PFKFB4: variants seen among roughly 807,000 people sequenced by gnomAD.
PFKFB4 encodes 6-phosphofructo-2-kinase/fructose-2,6-bisphosphatase 4.
A neutral mutation model predicts 62.8 loss-of-function variants in PFKFB4; 42 were observed. The observed-to-expected ratio is 0.67, with a 90% CI of 0.52 to 0.86. PFKFB4 has a LOEUF of 0.86. PFKFB4 is among the 40% of genes least tolerant of loss of function. PFKFB4 has a pLI of 0.00. For missense variants in PFKFB4, 475 were observed against 627.2 expected (o/e 0.76, Z 2.59); for synonymous variants, 204 against 240.7 (o/e 0.85, Z 1.41).
chr3:48,527,675 G>A (rs903010902), intron 9 of PFKFB4, among the ~76,000 whole-genome samples: 1 of 148,924 alleles, frequency 6.7e-6, no homozygotes, highest in African/African-American at 2.5e-5. Context: ...CAGAGAAAGC[G>A]TCCATCATCT....
upstream of PFKFB4, chr3:48,562,446 G>A (rs193093225): frequency 1.0e-3 from 322 of 322,146 alleles, no homozygotes; most frequent in African/African-American, 6.1e-3. This position sits in a 1 kb window ranked among gnomAD's most constrained non-coding sequence, Gnocchi z 4.3. Context: ...AGCAAGACTC[G>A]CCACAGCAGT....
upstream of PFKFB4, chr3:48,559,431 A>G (rs1208612974): frequency 4.5e-6 from 2 of 447,150 alleles, no homozygotes; most frequent in East Asian, 1.4e-4. Context: ...ACAGTGCAGC[A>G]TGGACTCAGC....
rs983911798 is a variant in PFKFB4 at position 48,521,397 on chromosome 3, A to G, written c.1350+589T>C. Among the ~76,000 whole-genome samples, 1 of 152,138 alleles carries G rather than the reference A, an allele frequency of 6.6e-6. No individual in the cohort carries two copies. Among genetic ancestry groups the G allele is most frequent in the Non-Finnish European group, 1.5e-5 (1 of 68,012 alleles). ...ACTCTGAGGAGCTTCTACCTTCCACAAGGCACTTGGGGAGCACAGGTGGTG... is the reference window on the plus strand; with the variant it reads ...ACTCTGAGGAGCTTCTACCTTCCACGAGGCACTTGGGGAGCACAGGTGGTG... On this transcript the variant is annotated intron_variant, in intron 13 of 13. Transcript: ENST00000232375. This position sits in a 1 kb window ranked among gnomAD's most constrained non-coding sequence, Gnocchi z 5.3.
Position 48,556,556 on chromosome 3 carries a change from A to C in PFKFB4, c.97+125T>G. 1 of 1,174,430 alleles carries C rather than the reference A, an allele frequency of 8.5e-7. No individual in the cohort carries two copies. The highest frequency in any genetic ancestry group is 1.2e-6 in the Non-Finnish European group (1 of 850,302). The allele number at this position is 1,174,430 out of a possible 1,614,324, so 72.8% of individuals were successfully genotyped here. A position where few individuals can be genotyped will look rare whatever the true frequency, so the allele number is the denominator to read the frequency against. Reference sequence around the variant, plus strand: ...CCCCAGCAGCCTCCCCAGTCACGGCAACCTCACCTGTCCCCGGTTCCCCAT... The same window carrying C: ...CCCCAGCAGCCTCCCCAGTCACGGCCACCTCACCTGTCCCCGGTTCCCCAT... On this transcript the variant is annotated intron_variant, in intron 1 of 13. Coordinates refer to ENST00000232375, the MANE Select transcript of PFKFB4 (RefSeq NM_004567.4). The surrounding 1 kb of genome is among the most constrained non-coding windows in gnomAD (Gnocchi z 5.7).
intron 4 of PFKFB4, among the ~76,000 whole-genome samples, chr3:48,540,634 G>C (rs904907439): frequency 2.0e-5 from 3 of 152,086 alleles, no homozygotes; most frequent in Admixed American, 1.3e-4. Context: ...TTTTGAGACA[G>C]GGTCTCACTC....
chr3:48,519,822 A>G lies in PFKFB4; in HGVS notation c.1351-16T>C. On this transcript the variant is annotated splice_polypyrimidine_tract_variant and intron_variant, in intron 13 of 13. Coordinates refer to ENST00000232375, the MANE Select transcript of PFKFB4 (RefSeq NM_004567.4). ...TGTCCACGTTCTGTACAATAAAAAC[A>G]CAGAGCGTTCACTCCATGGCAGGAA... 1 of 1,610,520 alleles carries G rather than the reference A, an allele frequency of 6.2e-7. No homozygotes were observed. The highest frequency in any genetic ancestry group is 8.5e-7 in the Non-Finnish European group (1 of 1,176,818).
intron 9 of PFKFB4, among the ~76,000 whole-genome samples, chr3:48,533,822 C>T (rs1488739380): frequency 6.6e-6 from 1 of 152,142 alleles, no homozygotes; most frequent in South Asian, 2.1e-4. Flanking sequence ...CCATTGCACT[C>T]CAGCCTGGAC....
rs1237256032 is a variant in PFKFB4 at position 48,535,407 on chromosome 3, C to T, written c.987+105G>A. Reference sequence around the variant, plus strand: ...CCCTAGGTTCCTGTATCCTTTCTCTCTCCTCTCCTTTGCCCAAGGGGAGCA... The same window carrying T: ...CCCTAGGTTCCTGTATCCTTTCTCTTTCCTCTCCTTTGCCCAAGGGGAGCA... On this transcript the variant is annotated intron_variant, in intron 9 of 13. Coordinates refer to ENST00000232375, the MANE Select transcript of PFKFB4 (RefSeq NM_004567.4). 4 of 1,029,396 alleles carry T rather than the reference C, an allele frequency of 3.9e-6. No homozygotes were observed. The African/African-American group carries it at 4.8e-5, about 12-fold the overall frequency. 63.8% of individuals were successfully genotyped at this position (1,029,396 alleles called of 1,614,324 possible). A position where few individuals can be genotyped will look rare whatever the true frequency, so the allele number is the denominator to read the frequency against.
chr3:48,537,115 C>T (rs2042646235), intron 7 of PFKFB4, among the ~76,000 whole-genome samples: 1 of 152,198 alleles, frequency 6.6e-6, no homozygotes, highest in Non-Finnish European at 1.5e-5. Context: ...TGTGGCACTG[C>T]AGCTTGGACA....
At chr3:48,532,602 G>C (rs1047475434) in intron 9 of PFKFB4, among the ~76,000 whole-genome samples, 2 of 152,212 alleles carry the variant, frequency 1.3e-5, no homozygotes, top group Non-Finnish European at 2.9e-5. Context: ...TGTAATCCTA[G>C]CACTTTGAGA....
chr3:48,535,364 T>C (rs958343529), intron 9 of PFKFB4, 148 bp downstream of exon 9: 18 of 716,502 alleles, frequency 2.5e-5, no homozygotes, highest in African/African-American at 5.4e-5. Context: ...AGGCTGCCTT[T>C]TCCTCTCTGC....
At chr3:48,536,649 C>T (rs961344746) in intron 7 of PFKFB4, 186 bp from the exon 8 acceptor site, 10 of 577,838 alleles carry the variant, frequency 1.7e-5, no homozygotes, top group East Asian at 5.6e-5. Context: ...GTGCGTGTGA[C>T]GCACAGGCAA....
upstream of PFKFB4, chr3:48,560,965 A>G (rs2043423046): frequency 1.1e-5 from 6 of 547,008 alleles, no homozygotes; most frequent in Non-Finnish European, 1.3e-5. Flanking sequence ...GAGACCCCCC[A>G]ACACTCTCGC....
chr3:48,549,713 G>A (rs1217892069), intron 3 of PFKFB4, 151 bp downstream of exon 3: 2 of 631,736 alleles, frequency 3.2e-6, no homozygotes, highest in African/African-American at 3.7e-5. Context: ...CAGCCATCAG[G>A]GCTGGGCAAG....
intron 10 of PFKFB4, among the ~76,000 whole-genome samples, chr3:48,524,359 G>C (rs1255679966): frequency 6.6e-6 from 1 of 152,178 alleles, no homozygotes; most frequent in African/African-American, 2.4e-5. Flanking sequence ...CTCTCAACCT[G>C]GCAGGTTTAG....
chr3:48,557,504 C>T (rs928545100), upstream of PFKFB4, among the ~76,000 whole-genome samples: 2 of 152,164 alleles, frequency 1.3e-5, no homozygotes, highest in African/African-American at 4.8e-5. Flanking sequence ...TATTGTTCCT[C>T]TTTCTTTGCT....
At chr3:48,538,249 G>A (rs904645541) in intron 7 of PFKFB4, among the ~76,000 whole-genome samples, 1 of 152,304 alleles carries the variant, frequency 6.6e-6, no homozygotes, top group African/African-American at 2.4e-5. Context: ...CCCTTGCATA[G>A]AAATTCGGCT....
intron 9 of PFKFB4, among the ~76,000 whole-genome samples, chr3:48,531,441 T>C (rs2042423980): frequency 6.6e-6 from 1 of 150,788 alleles, no homozygotes; most frequent in South Asian, 2.1e-4. Flanking sequence ...AAATTTTTTT[T>C]TTTTTTTTTT....
At chr3:48,537,825 C>T (rs894281472) in intron 7 of PFKFB4, among the ~76,000 whole-genome samples, 4 of 152,000 alleles carry the variant, frequency 2.6e-5, no homozygotes, top group African/African-American at 9.7e-5. Flanking sequence ...CTGCCCGGCC[C>T]GTATTACACA....
Sources: allele counts gnomAD v4.1 joint callset (sites outside exome capture counted in the v4.1 genomes callset), GRCh38; gene constraint gnomAD v4.1.1; non-coding constraint Gnocchi (gnomAD v3.1); transcripts MANE v1.5; gene names NCBI Gene and HGNC (gene_info 2026-07-23, HGNC 2026-07-21).